Variants in MAPRE2 observed in about 807,000 individuals in gnomAD.
MAPRE2 encodes microtubule-associated protein RP/EB family member 2.
A neutral mutation model predicts 43.2 loss-of-function variants in MAPRE2; 13 were observed. That is an observed-to-expected ratio of 0.30 (90% CI 0.20 to 0.48). The LOEUF is 0.48. Ranked by LOEUF, MAPRE2 falls within the 20% of genes least tolerant of loss-of-function variation. The pLI is 0.99. For missense variants in MAPRE2, 161 were observed against 400.2 expected, an observed-to-expected ratio of 0.40 and a Z score of 5.10; for synonymous variants, 135 against 148.8, an observed-to-expected ratio of 0.91 and a Z score of 0.68.
At chr18:35,139,953 C>CTT (rs1369801172) in intron 6 of MAPRE2, among the ~76,000 whole-genome samples, 2 of 152,310 alleles carry the variant, frequency 1.3e-5, no homozygotes, top group African/African-American at 4.8e-5. Flanking sequence ...TCATGATGCT[C>CTT]TTGGATCACT....
At chr18:34,980,044 T>C (rs989314600) in intron 1 of MAPRE2, among the ~76,000 whole-genome samples, 1 of 104,550 alleles carries the variant, frequency 9.6e-6, no homozygotes, top group Admixed American at 1.1e-4. Context: ...TTTTTTTTTT[T>C]TTTTTTTTTT....
chr18:35,046,947 G>C (rs1905657344), intron 1 of MAPRE2, among the ~76,000 whole-genome samples: 1 of 152,154 alleles, frequency 6.6e-6, no homozygotes, highest in Non-Finnish European at 1.5e-5. Flanking sequence ...CCACTATTCT[G>C]ATCTTCCCAA....
chr18:35,010,729 T>A (rs981035157), intron 2 of MAPRE2, among the ~76,000 whole-genome samples: 4 of 152,192 alleles, frequency 2.6e-5, no homozygotes, highest in Non-Finnish European at 5.9e-5. Context: ...TTCTTTATGG[T>A]TCCTTTTCCT....
intron 1 of MAPRE2, among the ~76,000 whole-genome samples, chr18:35,004,073 A>G (rs1203236894): frequency 1.3e-5 from 2 of 152,206 alleles, no homozygotes; most frequent in African/African-American, 2.4e-5. Flanking sequence ...ACTGAGTAGT[A>G]TAACAATTCA....
At chr18:34,996,437 A>G (rs2097026561) in intron 1 of MAPRE2, among the ~76,000 whole-genome samples, 1 of 152,124 alleles carries the variant, frequency 6.6e-6, no homozygotes, top group Admixed American at 6.5e-5. Context: ...ATCTGACAGG[A>G]GGCAGAGCTT....
At chr18:35,020,473 G>A (rs191534307) in intron 2 of MAPRE2, among the ~76,000 whole-genome samples, 47 of 151,788 alleles carry the variant, frequency 3.1e-4, no homozygotes, top group African/African-American at 1.1e-3. Context: ...ACATTACTTC[G>A]GTTTATAAGC....
intron 1 of MAPRE2, among the ~76,000 whole-genome samples, chr18:34,985,381 T>A (rs375163411): frequency 0.15 from 1,393 of 9,386 alleles, 102 homozygotes; most frequent in African/African-American, 0.26. Flanking sequence ...AATATATTAT[T>A]TTATATATAT....
intron 1 of MAPRE2, among the ~76,000 whole-genome samples, chr18:34,999,898 G>A (rs1167548514): frequency 1.3e-5 from 2 of 152,032 alleles, no homozygotes; most frequent in African/African-American, 4.8e-5. Flanking sequence ...CCTCCCCTCT[G>A]CTGCCCCTAG....
intron 4 of MAPRE2, among the ~76,000 whole-genome samples, chr18:35,110,306 G>A (rs1053312109): frequency 1.3e-5 from 2 of 152,114 alleles, no homozygotes; most frequent in African/African-American, 4.8e-5. Flanking sequence ...GAAACAGAAT[G>A]TAAAACATCT....
intron 1 of MAPRE2, among the ~76,000 whole-genome samples, chr18:34,985,568 TA>T (rs1568962151): frequency 7.0e-5 from 5 of 71,802 alleles, no homozygotes; most frequent in Non-Finnish European, 7.6e-5. Flanking sequence ...ATTATAAATA[TA>T]ATATATAAAC....
chr18:35,049,453 CCTT>C (rs1269038310), intron 1 of MAPRE2, among the ~76,000 whole-genome samples: 2 of 152,218 alleles, frequency 1.3e-5, no homozygotes, highest in East Asian at 3.8e-4. Flanking sequence ...AGCCAAAAAT[CCTT>C]CTTTCAGCAG....
intron 1 of MAPRE2, among the ~76,000 whole-genome samples, chr18:35,003,313 T>G (rs1333523642): frequency 6.6e-6 from 1 of 152,208 alleles, no homozygotes; most frequent in Non-Finnish European, 1.5e-5. Flanking sequence ...GGTATTTTAG[T>G]GTGGACATAC....
intron 1 of MAPRE2, among the ~76,000 whole-genome samples, chr18:34,980,031 CTTTTTTTTTTTT>C (rs796434537): frequency 6.5e-5 from 3 of 46,154 alleles, no homozygotes; most frequent in South Asian, 1.9e-3. Context: ...TTCTTTTTTT[CTTTTTTTTTTTT>C]TTTTTTTTTT....
In MAPRE2 at chr18:35,075,616, A is replaced by G. The variant is rs551732217; in HGVS notation, c.250+5294A>G. On this transcript the variant is annotated intron_variant, in intron 2 of 6. Transcript: ENST00000300249. ...GTTAGGGAGGTAATTGTAATGGAAT[A>G]TTATTCATACTTGTGATATATTACA... is the stretch of plus-strand genomic sequence containing the variant. 3.9e-5 allele frequency among the ~76,000 whole-genome samples: 6 copies of G among 152,330 alleles called. No homozygotes were observed. The East Asian group carries it at 1.2e-3, about 29-fold the overall frequency.
In MAPRE2 at chr18:35,041,474, A is replaced by T; in HGVS notation, c.-66A>T. ...CGTGCGGAGCAGGCGAGCGAGCGGGAAGACGCAGCCACCTTCCTCACCAGC... is the reference window on the plus strand; with the variant it reads ...CGTGCGGAGCAGGCGAGCGAGCGGGTAGACGCAGCCACCTTCCTCACCAGC... On this transcript the variant is annotated 5_prime_UTR_variant, in exon 1 of 7. Transcript: ENST00000300249. The T allele has an allele frequency of 1.9e-6, 3 of 1,611,990 alleles. No homozygotes were observed. Among genetic ancestry groups the T allele is most frequent in the Non-Finnish European group, 2.5e-6 (3 of 1,179,070 alleles).
chr18:35,087,228 G>C (rs901922659), intron 2 of MAPRE2, among the ~76,000 whole-genome samples: 1 of 152,070 alleles, frequency 6.6e-6, no homozygotes, highest in Admixed American at 6.6e-5. Flanking sequence ...TAGGGCTGCA[G>C]GGGTACAGAC....
intron 2 of MAPRE2, chr18:35,082,287 C>G (rs1907677480): frequency 1.9e-5 from 1 of 51,468 alleles, no homozygotes; most frequent in Non-Finnish European, 2.7e-5. Context: ...GAGACTCCGT[C>G]TCAAAAAAAA....
At chr18:35,110,879 CCTT>C (rs1909145293) in intron 4 of MAPRE2, among the ~76,000 whole-genome samples, 1 of 152,092 alleles carries the variant, frequency 6.6e-6, no homozygotes, top group Admixed American at 6.5e-5. Context: ...AAAATTTTCT[CCTT>C]ATCTTTGGTT....
At chr18:35,057,085 G>T (rs1906268873) in intron 1 of MAPRE2, among the ~76,000 whole-genome samples, 1 of 152,126 alleles carries the variant, frequency 6.6e-6, no homozygotes, top group Admixed American at 6.5e-5. Context: ...CGCAATCTCA[G>T]CTCACTGCAT....
Sources: gnomAD v4.1 joint callset for allele counts (sites outside exome capture counted in the v4.1 genomes callset) on GRCh38, gnomAD v4.1.1 for gene constraint, MANE v1.5 for transcripts, NCBI Gene and HGNC (gene_info 2026-07-23, HGNC 2026-07-21) for gene names.